The following IRAK3 variants were observed in gnomAD, a reference collection of about 807,000 sequenced individuals.
The protein encoded by IRAK3 is interleukin-1 receptor-associated kinase 3.
In IRAK3, 57 loss-of-function variants were observed where a neutral mutation model predicts 56.6. That is an observed-to-expected ratio of 1.01 (90% CI 0.81 to 1.26). The LOEUF (loss-of-function observed/expected upper bound fraction) is 1.26. Ranked by LOEUF, IRAK3 falls within the 50% of genes most tolerant of loss-of-function variation. The pLI, the probability that IRAK3 is intolerant of heterozygous loss-of-function variation, is 0.00. For synonymous variants in IRAK3, 258 were observed against 255.7 expected, an observed-to-expected ratio of 1.01 and a Z score of -0.09; for missense variants, 703 against 719.0, an observed-to-expected ratio of 0.98 and a Z score of 0.25.
rs565784981 is a variant in IRAK3 at position 66,253,851 on chromosome 12, T to C, written c.*5680T>C. 6.6e-6 allele frequency: 1 copy of C among 152,304 alleles called. No individual in the cohort carries two copies. The highest frequency in any genetic ancestry group is 1.9e-4 in the East Asian group (1 of 5,194). The allele number at this position is 152,304 out of a possible 1,614,324, so 9.4% of individuals were successfully genotyped here. A position where few individuals can be genotyped will look rare whatever the true frequency, so the allele number is the denominator to read the frequency against. ...AAAAATGAAGCATAAAGGAGTTGGCTCTTGCCCTAAGTCATACTACTGATG... is the reference window on the plus strand; with the variant it reads ...AAAAATGAAGCATAAAGGAGTTGGCCCTTGCCCTAAGTCATACTACTGATG... On this transcript the variant is annotated 3_prime_UTR_variant, in exon 12 of 12. Transcript: ENST00000261233.
intron 1 of IRAK3, among the ~76,000 whole-genome samples, 194 bp from the exon 2 acceptor site, chr12:66,203,517 G>A (rs2052528349): frequency 1.3e-5 from 2 of 152,158 alleles, no homozygotes; most frequent in Admixed American, 6.6e-5. Flanking sequence ...TCTGATCATT[G>A]TATTGTGGTT....
At chr12:66,219,644 C>G (rs1275577001) in intron 6 of IRAK3, among the ~76,000 whole-genome samples, 3 of 152,210 alleles carry the variant, frequency 2.0e-5, no homozygotes, top group Non-Finnish European at 4.4e-5. Context: ...TCCATTATGG[C>G]TGTACCACTT....
In IRAK3 at chr12:66,253,340, G is replaced by A. The variant is rs1207116681; in HGVS notation, c.*5169G>A. On this transcript the variant is annotated 3_prime_UTR_variant, in exon 12 of 12. Transcript: ENST00000261233. ...GTGTTGCTTATAAATTTTCTCTATG[G>A]TGGAAAATATTCCCAAACCATGTCT... is the stretch of plus-strand genomic sequence containing the variant. 6.6e-6 allele frequency: 1 copy of A among 152,078 alleles called. No homozygotes were observed. Among genetic ancestry groups the A allele is most frequent in the Non-Finnish European group, 1.5e-5 (1 of 68,024 alleles). 9.4% of individuals were successfully genotyped at this position (152,078 alleles called of 1,614,324 possible). A position where few individuals can be genotyped will look rare whatever the true frequency, so the allele number is the denominator to read the frequency against.
At chr12:66,232,338 G>T (rs1316328453) in intron 8 of IRAK3, among the ~76,000 whole-genome samples, 1 of 152,188 alleles carries the variant, frequency 6.6e-6, no homozygotes, top group South Asian at 2.1e-4. Context: ...GCTCATCAAT[G>T]TGTCCCTGCC....
chr12:66,192,309 A>C (rs1263889207), intron 1 of IRAK3, among the ~76,000 whole-genome samples: 2 of 152,246 alleles, frequency 1.3e-5, no homozygotes, highest in Non-Finnish European at 2.9e-5. Context: ...ATTAAAAATA[A>C]TGTAATCACA....
At chr12:66,195,548 C>T (rs758418893) in intron 1 of IRAK3, among the ~76,000 whole-genome samples, 3 of 152,208 alleles carry the variant, frequency 2.0e-5, no homozygotes, top group South Asian at 2.1e-4. Flanking sequence ...ACATTAGCCT[C>T]CTTGTTCCTT....
chr12:66,244,580 A>G lies in IRAK3; in HGVS notation c.982A>G (p.Ile328Val), dbSNP rs1289026690. 4 of 1,614,118 alleles carry G rather than the reference A, an allele frequency of 2.5e-6. No individual in the cohort carries two copies. The highest frequency in any genetic ancestry group is 2.2e-5 in the East Asian group (1 of 44,876). ...CCACCTAGAACATCAGAGTTGTACC[A>G]TAAATATGACCAGCAGCAGCAGTAA... The part of the protein sequence containing the change: ...RSHLEHQSCT[I>V]NMTSSSSKHL... Residue 328 changes from isoleucine to valine, a missense_variant, in exon 9 of 12, where the codon ATA becomes GTA. Transcript: ENST00000261233.
chr12:66,215,862 C>A (rs931254724), intron 5 of IRAK3, among the ~76,000 whole-genome samples: 3 of 150,350 alleles, frequency 2.0e-5, no homozygotes, highest in African/African-American at 7.4e-5. Flanking sequence ...TTTAATGAAG[C>A]CTTAGCCACA....
At chr12:66,235,023 T>C in intron 8 of IRAK3, 3 of 1,613,484 alleles carry the variant, frequency 1.9e-6, no homozygotes. Context: ...ATTGCGTTTG[T>C]GGAGACTATT....
chr12:66,245,978 A>G (rs1317291367), intron 11 of IRAK3, among the ~76,000 whole-genome samples: 1 of 152,030 alleles, frequency 6.6e-6, no homozygotes, highest in Non-Finnish European at 1.5e-5. Flanking sequence ...GGTGCTGGGA[A>G]TATATCAGTG....
chr12:66,196,043 C>A (rs1055987763), intron 1 of IRAK3, among the ~76,000 whole-genome samples: 1 of 151,940 alleles, frequency 6.6e-6, no homozygotes, highest in Non-Finnish European at 1.5e-5. Context: ...CATTTATCAC[C>A]TCTCACATAC....
rs1592587812 is a variant in IRAK3 at position 66,217,233 on chromosome 12, A to G, written c.651A>G (p.Leu217=). The change falls in exon 6 of 12, where the codon CTA becomes CTG. Residue 217 remains leucine, a splice_region_variant and synonymous_variant. Coordinates refer to ENST00000261233, the MANE Select transcript of IRAK3 (RefSeq NM_007199.3). ...TTTTATCTGAGCTTGAAGTTTTACT[A>G]CTGTGAGTATGTTTTCTCTGGAATT... is the stretch of plus-strand genomic sequence containing the variant. ...KRFLSELEVL[L]LFHHPNILEL... is the part of the protein sequence containing the mutation. 1 of 1,604,520 alleles carries G rather than the reference A, an allele frequency of 6.2e-7. No individual in the cohort carries two copies. The highest frequency in any genetic ancestry group is 8.5e-7 in the Non-Finnish European group (1 of 1,171,342).
intron 1 of IRAK3, among the ~76,000 whole-genome samples, chr12:66,193,956 C>G (rs573646248): frequency 6.2e-4 from 95 of 152,310 alleles, no homozygotes; most frequent in African/African-American, 2.2e-3. Context: ...GAGACGGGAT[C>G]TCACTCTGTC....
chr12:66,219,656 A>G (rs1364423619), intron 6 of IRAK3, among the ~76,000 whole-genome samples: 1 of 152,190 alleles, frequency 6.6e-6, no homozygotes, highest in East Asian at 1.9e-4. Flanking sequence ...GTACCACTTT[A>G]TATTCCAACC....
intron 11 of IRAK3, among the ~76,000 whole-genome samples, chr12:66,247,140 C>T (rs530433497): frequency 2.6e-5 from 4 of 152,118 alleles, no homozygotes; most frequent in South Asian, 2.1e-4. Context: ...CATGGTGGCA[C>T]GTGCCTGTAA....
Position 66,193,241 on chromosome 12 carries a change from G to A in IRAK3, c.133+3809G>A, listed in dbSNP as rs980855508. ...TTGGTCAGGCTGGTCTCGAACTCCC[G>A]ACCTCAGGTGATCTGCCTGCCTCAG... On this transcript the variant is annotated intron_variant, in intron 1 of 11. Coordinates refer to ENST00000261233, the MANE Select transcript of IRAK3 (RefSeq NM_007199.3). Among the ~76,000 whole-genome samples the A allele has an allele frequency of 9.2e-5, 14 of 152,158 alleles. No homozygotes were observed. In the South Asian group the frequency reaches 1.0e-3, roughly 11 times the overall value.
At chr12:66,239,357 A>T (rs1477219476) in intron 8 of IRAK3, among the ~76,000 whole-genome samples, 2 of 149,960 alleles carry the variant, frequency 1.3e-5, no homozygotes, top group Admixed American at 1.3e-4. Context: ...GAGTGAGTGC[A>T]TGGGTAATTT....
At chr12:66,215,077 G>C (rs112772824) in intron 5 of IRAK3, among the ~76,000 whole-genome samples, 11 of 152,262 alleles carry the variant, frequency 7.2e-5, no homozygotes, top group African/African-American at 2.6e-4. Flanking sequence ...AAATTACTGA[G>C]AAGATGAACA....
intron 8 of IRAK3, among the ~76,000 whole-genome samples, chr12:66,241,582 C>T (rs2052970464): frequency 6.6e-6 from 1 of 152,210 alleles, no homozygotes; most frequent in Non-Finnish European, 1.5e-5. Flanking sequence ...GCAATTTCCG[C>T]TTTCCTAAAA....
Sources: gnomAD v4.1 joint callset for allele counts (sites outside exome capture counted in the v4.1 genomes callset) on GRCh38, gnomAD v4.1.1 for gene constraint, MANE v1.5 for transcripts, NCBI Gene and HGNC (gene_info 2026-07-23, HGNC 2026-07-21) for gene names.